The following PCDHGB2 variants were observed in gnomAD, a reference collection of about 807,000 sequenced individuals.
The protein encoded by PCDHGB2 is protocadherin gamma subfamily B, 2.
Under a neutral mutation model 59.3 loss-of-function variants are expected in PCDHGB2, and 55 were observed. The ratio of observed to expected loss-of-function variants is 0.93; its 90% CI spans 0.75 to 1.16. The LOEUF (loss-of-function observed/expected upper bound fraction) is 1.16, where lower values mean the gene tolerates loss of function less well. Ranked by LOEUF, PCDHGB2 falls within the 50% of genes most tolerant of loss-of-function variation. PCDHGB2 has a pLI of 0.00. For synonymous variants in PCDHGB2, 516 were observed against 512.0 expected, an observed-to-expected ratio of 1.01 and a Z score of -0.11; for missense variants, 1,228 against 1,198.5, an observed-to-expected ratio of 1.02 and a Z score of -0.36.
At chr5:141,421,435 A>G (rs775839500) in intron 1 of PCDHGB2, 3 of 1,614,108 alleles carry the variant, frequency 1.9e-6, no homozygotes, top group East Asian at 4.5e-5. Context: ...CATCGTCTCC[A>G]GAGGGAAGAC....
rs758405089 is a variant in PCDHGB2 at position 141,383,617 on chromosome 5, C to T, written c.2421+21061C>T. 5.1e-5 allele frequency: 82 copies of T among 1,613,734 alleles called. No homozygotes were observed. The Admixed American group carries it at 9.0e-4, about 18-fold the overall frequency. On this transcript the variant is annotated intron_variant, in intron 1 of 3. Coordinates refer to ENST00000522605, the MANE Select transcript of PCDHGB2 (RefSeq NM_018923.3). ...AGTGGTGGATGTGAATGACCACACG[C>T]CTGTCTTCTCTCTGCCTCAGTACCA...
chr5:141,487,857 T>A lies in PCDHGB2; in HGVS notation c.2422-6950T>A. Reference sequence around the variant, plus strand: ...TATCTGAGTAAGAAATGAAAGTAATTGGTGATCAAGAGCCAGGCTGTTGTG... The same window carrying A: ...TATCTGAGTAAGAAATGAAAGTAATAGGTGATCAAGAGCCAGGCTGTTGTG... On this transcript the variant is annotated intron_variant, in intron 1 of 3. Coordinates refer to ENST00000522605, the MANE Select transcript of PCDHGB2 (RefSeq NM_018923.3). The surrounding 1 kb of genome is among the most constrained non-coding windows in gnomAD (Gnocchi z 5.0). The A allele has an allele frequency of 1.0e-6, 1 of 964,674 alleles. No individual in the cohort carries two copies. Among genetic ancestry groups the A allele is most frequent in the Non-Finnish European group, 1.5e-6 (1 of 659,920 alleles). 59.8% of individuals were successfully genotyped at this position (964,674 alleles called of 1,614,324 possible). A position where few individuals can be genotyped will look rare whatever the true frequency, so the allele number is the denominator to read the frequency against.
At chr5:141,466,095 C>T (rs1170423552) in intron 1 of PCDHGB2, among the ~76,000 whole-genome samples, 1 of 152,038 alleles carries the variant, frequency 6.6e-6, no homozygotes, top group African/African-American at 2.4e-5. Flanking sequence ...GCACTCCAGC[C>T]TGGGCAACAG....
Position 141,477,833 on chromosome 5 carries a change from G to C in PCDHGB2, c.2422-16974G>C. Reference sequence around the variant, plus strand: ...CCCCCAGGTCCTATATCCTCGGCCAGGTGGGAGCTCGGTGGAGATGCTGCC... The same window carrying C: ...CCCCCAGGTCCTATATCCTCGGCCACGTGGGAGCTCGGTGGAGATGCTGCC... On this transcript the variant is annotated intron_variant, in intron 1 of 3. Transcript: ENST00000522605. This position sits in a 1 kb window ranked among gnomAD's most constrained non-coding sequence, Gnocchi z 4.9. The C allele has an allele frequency of 6.2e-7, 1 of 1,614,174 alleles. No individual in the cohort carries two copies.
At chr5:141,405,035 G>C in intron 1 of PCDHGB2, 1 of 1,613,964 alleles carries the variant, frequency 6.2e-7, no homozygotes, top group South Asian at 1.1e-5. Context: ...CTACCTCGTT[G>C]TGGCTGTGGC....
chr5:141,478,322 C>A, intron 1 of PCDHGB2: 3 of 1,613,976 alleles, frequency 1.9e-6, no homozygotes, highest in Non-Finnish European at 2.5e-6. Context: ...CTCACTGTAC[C>A]GAACACCAGG....
intron 1 of PCDHGB2, among the ~76,000 whole-genome samples, chr5:141,472,213 C>T (rs1294676431): frequency 2.0e-5 from 3 of 152,178 alleles, no homozygotes; most frequent in African/African-American, 7.2e-5. Flanking sequence ...TAAGACCTTA[C>T]TCTCGATCAT....
rs11953770 is a variant in PCDHGB2 at position 141,510,741 on chromosome 5, C to T, written c.2570-206C>T. On this transcript the variant is annotated intron_variant, in intron 3 of 3. Coordinates refer to ENST00000522605, the MANE Select transcript of PCDHGB2 (RefSeq NM_018923.3). ...TAAGGAAAGGAGCTAGGAATCAAACCTAGACTTTCTCACTCCAGAGCCTCT... is the reference window on the plus strand; with the variant it reads ...TAAGGAAAGGAGCTAGGAATCAAACTTAGACTTTCTCACTCCAGAGCCTCT... Among the ~76,000 whole-genome samples the T allele has an allele frequency of 2.6e-5, 4 of 152,138 alleles. No homozygotes were observed. In the South Asian group the frequency reaches 8.3e-4, roughly 32 times the overall value.
At chr5:141,481,718 C>T (rs942120251) in intron 1 of PCDHGB2, among the ~76,000 whole-genome samples, 6 of 152,082 alleles carry the variant, frequency 3.9e-5, no homozygotes, top group East Asian at 1.9e-4. Context: ...CTTTGGGAGG[C>T]GGAGGCGGGC....
intron 1 of PCDHGB2, chr5:141,414,274 G>C: frequency 1.9e-6 from 3 of 1,613,368 alleles, no homozygotes; most frequent in Non-Finnish European, 2.5e-6. Flanking sequence ...TTCACCTCTG[G>C]GAACAGTCGT....
intron 1 of PCDHGB2, chr5:141,404,823 G>A (rs1283913930): frequency 6.2e-7 from 1 of 1,610,946 alleles, no homozygotes. Flanking sequence ...CTGCACACAG[G>A]TGAAGTGCGC....
chr5:141,489,579 C>G lies in PCDHGB2; in HGVS notation c.2422-5228C>G, dbSNP rs112808093. 3.7e-6 allele frequency: 6 copies of G among 1,613,922 alleles called. No individual in the cohort carries two copies. The Admixed American group carries it at 5.0e-5, about 13-fold the overall frequency. On this transcript the variant is annotated intron_variant, in intron 1 of 3. Transcript: ENST00000522605. This position sits in a 1 kb window ranked among gnomAD's most constrained non-coding sequence, Gnocchi z 4.5. ...CAGTGCAGGTGGTGACTGAACACCC[C>G]CTGGAGCTAATCCGTGTAGAGGTAG... is the stretch of plus-strand genomic sequence containing the variant.
Position 141,418,806 on chromosome 5 carries a change from C to T in PCDHGB2, c.2421+56250C>T, listed in dbSNP as rs200530054. The T allele has an allele frequency of 3.0e-5, 49 of 1,613,694 alleles. No individual in the cohort carries two copies. In the African/African-American group the frequency reaches 5.9e-4, roughly 19 times the overall value. On this transcript the variant is annotated intron_variant, in intron 1 of 3. Transcript: ENST00000522605. ...GATTTTGAAGAAGTAGAAAGATATA[C>T]GATAAACATAGAAGCAAAAGACCGA...
chr5:141,417,001 ATAAT>A (rs2096073629), intron 1 of PCDHGB2: 2 of 150,812 alleles, frequency 1.3e-5, no homozygotes, highest in Non-Finnish European at 1.5e-5. Flanking sequence ...TTCATCTCAA[ATAAT>A]TCTATTATTT....
chr5:141,491,322 C>T lies in PCDHGB2; in HGVS notation c.2422-3485C>T. 6.2e-7 allele frequency: 1 copy of T among 1,614,156 alleles called. No individual in the cohort carries two copies. Among genetic ancestry groups the T allele is most frequent in the East Asian group, 2.2e-5 (1 of 44,860 alleles). On this transcript the variant is annotated intron_variant, in intron 1 of 3. Coordinates refer to ENST00000522605, the MANE Select transcript of PCDHGB2 (RefSeq NM_018923.3). This position sits in a 1 kb window ranked among gnomAD's most constrained non-coding sequence, Gnocchi z 6.9. ...AGCGTTCAGACCTTACCCTTTACCT[C>T]ATTGTGGCTCTAGCGACCGTCAGTC...
At chr5:141,400,415 T>C (rs1054517262) in intron 1 of PCDHGB2, 16 of 1,614,080 alleles carry the variant, frequency 9.9e-6, no homozygotes, top group Non-Finnish European at 1.3e-5. Flanking sequence ...TTTAATTTCC[T>C]AAAATGTAGT....
chr5:141,433,168 T>A, intron 1 of PCDHGB2: 6 of 1,613,438 alleles, frequency 3.7e-6, no homozygotes, highest in Non-Finnish European at 3.4e-6. Context: ...CTAAAGACAG[T>A]CATGGGTTAA....
intron 1 of PCDHGB2, among the ~76,000 whole-genome samples, chr5:141,381,671 T>TGCTGCAGCCAAGACAA (rs1777346396): frequency 6.6e-6 from 1 of 152,206 alleles, no homozygotes; most frequent in Non-Finnish European, 1.5e-5. Flanking sequence ...TATAGCTGAT[T>TGCTGCAGCCAAGACAA]GCTGCAGCCA....
chr5:141,397,571 A>G (rs1205930640), intron 1 of PCDHGB2, among the ~76,000 whole-genome samples: 1 of 152,224 alleles, frequency 6.6e-6, no homozygotes, highest in East Asian at 1.9e-4. Flanking sequence ...GAGAGCAAGA[A>G]CTGTATCATA....
Sources: gnomAD v4.1 joint callset for allele counts (sites outside exome capture counted in the v4.1 genomes callset) on GRCh38, gnomAD v4.1.1 for gene constraint, Gnocchi (gnomAD v3.1) non-coding constraint, MANE v1.5 for transcripts, NCBI Gene and HGNC (gene_info 2026-07-23, HGNC 2026-07-21) for gene names.